Variants in SGCD observed in about 807,000 individuals in gnomAD.
The protein encoded by SGCD is delta-sarcoglycan.
A neutral mutation model predicts 36.6 loss-of-function variants in SGCD; 18 were observed. The ratio of observed to expected loss-of-function variants is 0.49; its 90% CI spans 0.34 to 0.73. SGCD has a LOEUF of 0.73. SGCD is among the 30% of genes least tolerant of loss of function. The pLI, the probability that SGCD is intolerant of heterozygous loss-of-function variation, is 0.01. For synonymous variants in SGCD, 133 were observed against 130.6 expected, an observed-to-expected ratio of 1.02 and a Z score of -0.12; for missense variants, 387 against 346.7, an observed-to-expected ratio of 1.12 and a Z score of -0.92.
At chr5:155,912,374 A>G (rs1179354194) in intron 1 of SGCD, among the ~76,000 whole-genome samples, 1 of 152,232 alleles carries the variant, frequency 6.6e-6, no homozygotes, top group Non-Finnish European at 1.5e-5. Context: ...TGGCAATAAC[A>G]TTGAGAAATT....
intron 7 of SGCD, chr5:156,704,379 A>G (rs1321324352): frequency 6.6e-6 from 1 of 152,186 alleles, no homozygotes; most frequent in Non-Finnish European, 1.5e-5. Context: ...AAAAATGCCT[A>G]GCTAAGGGAG....
At chr5:156,470,468 T>C (rs1012707881) in intron 3 of SGCD, among the ~76,000 whole-genome samples, 3 of 152,114 alleles carry the variant, frequency 2.0e-5, no homozygotes, top group African/African-American at 7.2e-5. Flanking sequence ...GCATTAGTTA[T>C]ATCTCCTAAT....
At chr5:156,640,833 C>T (rs1173611174) in intron 6 of SGCD, among the ~76,000 whole-genome samples, 1 of 152,178 alleles carries the variant, frequency 6.6e-6, no homozygotes, top group African/African-American at 2.4e-5. Context: ...GTAATGACTA[C>T]AGATGTTTTG....
chr5:156,700,790 A>C (rs1754497144), intron 7 of SGCD, among the ~76,000 whole-genome samples: 1 of 152,074 alleles, frequency 6.6e-6, no homozygotes, highest in African/African-American at 2.4e-5. Flanking sequence ...CAAAAAATAG[A>C]AAATTAGCCA....
chr5:156,182,107 T>C (rs1474120115), intron 3 of SGCD, among the ~76,000 whole-genome samples: 1 of 152,174 alleles, frequency 6.6e-6, no homozygotes, highest in East Asian at 1.9e-4. Flanking sequence ...CTAACTAAAA[T>C]CCCAACAGAT....
At chr5:156,637,120 G>C (rs1762855684) in intron 6 of SGCD, among the ~76,000 whole-genome samples, 1 of 152,070 alleles carries the variant, frequency 6.6e-6, no homozygotes. Context: ...TCTTGTGATA[G>C]TGAGTTCTCA....
intron 3 of SGCD, among the ~76,000 whole-genome samples, chr5:156,431,305 T>C (rs1753000512): frequency 6.6e-6 from 1 of 152,184 alleles, no homozygotes; most frequent in Non-Finnish European, 1.5e-5. Flanking sequence ...CTTTTTTCTT[T>C]TTCTTAAGAT....
chr5:156,206,407 A>G (rs1005124597), intron 3 of SGCD, among the ~76,000 whole-genome samples: 15 of 152,038 alleles, frequency 9.9e-5, no homozygotes, highest in African/African-American at 3.1e-4. Flanking sequence ...GAATATATAT[A>G]GAGTATTCTT....
At chr5:156,634,888 A>G (rs927671414) in intron 6 of SGCD, among the ~76,000 whole-genome samples, 1 of 152,186 alleles carries the variant, frequency 6.6e-6, no homozygotes, top group African/African-American at 2.4e-5. Flanking sequence ...AGCCGCAGAC[A>G]AAGCTAAAGA....
At chr5:156,081,206 A>G (rs1581086835) in intron 1 of SGCD, among the ~76,000 whole-genome samples, 1 of 152,152 alleles carries the variant, frequency 6.6e-6, no homozygotes, top group East Asian at 1.9e-4. Flanking sequence ...GAGATGCCAT[A>G]CACCTCTAAA....
intron 1 of SGCD, among the ~76,000 whole-genome samples, chr5:155,910,397 A>G (rs1193415234): frequency 3.9e-5 from 6 of 152,098 alleles, no homozygotes; most frequent in Non-Finnish European, 7.4e-5. Context: ...TAAAAGAAGC[A>G]GTGTAAGAAA....
chr5:156,085,604 T>C (rs1761073099), intron 1 of SGCD, among the ~76,000 whole-genome samples: 1 of 152,210 alleles, frequency 6.6e-6, no homozygotes, highest in Admixed American at 6.5e-5. Context: ...GGTATCTCTT[T>C]ATAGCAGTGC....
intron 1 of SGCD, among the ~76,000 whole-genome samples, chr5:155,950,132 G>A (rs756789849): frequency 6.6e-6 from 1 of 152,120 alleles, no homozygotes; most frequent in Non-Finnish European, 1.5e-5. Context: ...ACATCTACGA[G>A]TTTATCTCAG....
intron 3 of SGCD, among the ~76,000 whole-genome samples, chr5:156,242,485 A>G (rs374948210): frequency 6.6e-6 from 1 of 152,194 alleles, no homozygotes; most frequent in African/African-American, 2.4e-5. Flanking sequence ...ACGTGAGTAC[A>G]TGTAAGACTT....
intron 6 of SGCD, among the ~76,000 whole-genome samples, chr5:156,608,874 T>G (rs1348566743): frequency 1.3e-5 from 2 of 151,920 alleles, no homozygotes; most frequent in Non-Finnish European, 2.9e-5. Context: ...AACCCCTGCC[T>G]TTTTTTGTTT....
At chr5:156,437,845 C>G (rs1296263633) in intron 3 of SGCD, among the ~76,000 whole-genome samples, 3 of 152,088 alleles carry the variant, frequency 2.0e-5, no homozygotes, top group African/African-American at 7.2e-5. Flanking sequence ...TAGCCAAGTT[C>G]AAGTTTTGGA....
At chr5:155,837,116 A>G in the SGCD span, among the ~76,000 whole-genome samples, 1 of 152,160 alleles carries the variant, frequency 6.6e-6, no homozygotes, top group South Asian at 2.1e-4. Context: ...TAGTGAACAT[A>G]TGTTAATGGC....
chr5:156,322,554 A>G (rs1169695714), upstream of SGCD, among the ~76,000 whole-genome samples: 3 of 152,224 alleles, frequency 2.0e-5, no homozygotes, highest in African/African-American at 7.2e-5. Flanking sequence ...AGGCTTATAT[A>G]ACAGGGGACT....
At chr5:156,349,133 T>G (rs1426995861) in intron 3 of SGCD, among the ~76,000 whole-genome samples, 1 of 151,972 alleles carries the variant, frequency 6.6e-6, no homozygotes, top group African/African-American at 2.4e-5. Context: ...CCTGAAAACT[T>G]CTAGAACATA....
Sources: gnomAD v4.1 joint callset for allele counts (sites outside exome capture counted in the v4.1 genomes callset) on GRCh38, gnomAD v4.1.1 for gene constraint, MANE v1.5 for transcripts, NCBI Gene and HGNC (gene_info 2026-07-23, HGNC 2026-07-21) for gene names.